The following UNC13C variants were observed in gnomAD, a reference collection of about 807,000 sequenced individuals.
The protein encoded by UNC13C is protein unc-13 homolog C.
UNC13C carries 174 observed loss-of-function variants against 245.4 expected under a neutral mutation model. The ratio of observed to expected loss-of-function variants is 0.71; its 90% CI spans 0.63 to 0.80. UNC13C has a LOEUF of 0.80. Among genes scored for constraint, UNC13C ranks in the 30% least tolerant of loss-of-function variants. The probability of loss-of-function intolerance (pLI) is 0.00; values close to 1 mark genes in which losing one functional copy is unlikely to be tolerated. For synonymous variants in UNC13C, 992 were observed against 895.1 expected, an observed-to-expected ratio of 1.11 and a Z score of -1.93; for missense variants, 2,829 against 2,602.9, an observed-to-expected ratio of 1.09 and a Z score of -1.89.
chr15:54,522,063 G>A (rs944838491), intron 24 of UNC13C, among the ~76,000 whole-genome samples: 2 of 152,126 alleles, frequency 1.3e-5, no homozygotes, highest in Non-Finnish European at 2.9e-5. Context: ...ACTGCCTAGG[G>A]CTAGCTACAC....
At chr15:54,247,755 A>G (rs1002520005) in intron 7 of UNC13C, among the ~76,000 whole-genome samples, 4 of 151,042 alleles carry the variant, frequency 2.6e-5, no homozygotes, top group Admixed American at 2.6e-4. Flanking sequence ...CTGTCTAGTA[A>G]ATGTTTCATG....
chr15:54,342,447 C>T (rs1457558350), intron 17 of UNC13C, among the ~76,000 whole-genome samples: 1 of 151,580 alleles, frequency 6.6e-6, no homozygotes, highest in African/African-American at 2.4e-5. Context: ...TGTCTATAGT[C>T]ACACCTACTT....
intron 18 of UNC13C, among the ~76,000 whole-genome samples, chr15:54,399,814 C>T (rs547731207): frequency 4.6e-5 from 7 of 151,914 alleles, no homozygotes; most frequent in East Asian, 1.9e-4. Context: ...TAGGTTTAAG[C>T]GACTTTGATC....
At chr15:54,175,759 T>A (rs7181949) in intron 4 of UNC13C, among the ~76,000 whole-genome samples, 16,145 of 151,902 alleles carry the variant, frequency 0.11, 1,448 homozygotes, top group African/African-American at 0.24. Context: ...TTAGAAACTT[T>A]TATAGGGATT....
intron 24 of UNC13C, among the ~76,000 whole-genome samples, chr15:54,519,993 G>A (rs1207360907): frequency 1.3e-5 from 2 of 152,180 alleles, no homozygotes; most frequent in Admixed American, 1.3e-4. Context: ...AAAAAAGCAA[G>A]AGCCCAGATA....
At chr15:53,958,070 C>G in the UNC13C span, among the ~76,000 whole-genome samples, 1 of 152,104 alleles carries the variant, frequency 6.6e-6, no homozygotes, top group South Asian at 2.1e-4. Flanking sequence ...CAAACAGTAA[C>G]TTGTTTCACA....
chr15:54,053,186 TTTTTTA>T (rs1566976810), intron 2 of UNC13C, among the ~76,000 whole-genome samples: 1 of 64,940 alleles, frequency 1.5e-5, no homozygotes, highest in Non-Finnish European at 6.1e-5. Flanking sequence ...GGCCAATTTA[TTTTTTA>T]TTTTTTATTT....
intron 12 of UNC13C, among the ~76,000 whole-genome samples, chr15:54,298,555 T>C (rs1414272717): frequency 1.3e-5 from 2 of 152,040 alleles, no homozygotes; most frequent in East Asian, 3.9e-4. Context: ...ATGGAGAAAA[T>C]GAAGATGTGG....
At chr15:54,327,257 AAT>A (rs1254574088) in intron 14 of UNC13C, among the ~76,000 whole-genome samples, 2 of 152,216 alleles carry the variant, frequency 1.3e-5, no homozygotes, top group African/African-American at 4.8e-5. Flanking sequence ...ATACATGCTC[AAT>A]ATATATAACC....
At chr15:54,097,776 A>T (rs1206827408) in intron 2 of UNC13C, among the ~76,000 whole-genome samples, 1 of 152,218 alleles carries the variant, frequency 6.6e-6, no homozygotes, top group Non-Finnish European at 1.5e-5. Flanking sequence ...TGTGACTGAT[A>T]TTCTTAGATG....
chr15:54,595,140 T>A (rs1228989171), intron 30 of UNC13C, among the ~76,000 whole-genome samples: 2 of 152,202 alleles, frequency 1.3e-5, no homozygotes, highest in African/African-American at 4.8e-5. Flanking sequence ...TTATCGGGAC[T>A]GATACAGGTG....
At chr15:54,078,822 C>G (rs1377957957) in intron 2 of UNC13C, among the ~76,000 whole-genome samples, 1 of 151,806 alleles carries the variant, frequency 6.6e-6, no homozygotes, top group Non-Finnish European at 1.5e-5. Flanking sequence ...TCTTTAAGTT[C>G]CATTTGTCTA....
At chr15:53,869,528 A>T in the UNC13C span, among the ~76,000 whole-genome samples, 1 of 152,236 alleles carries the variant, frequency 6.6e-6, no homozygotes, top group Admixed American at 6.5e-5. Context: ...CCTTGAAAAC[A>T]GTTAATAATA....
intron 2 of UNC13C, chr15:54,050,635 G>C: frequency 2.2e-6 from 1 of 455,562 alleles, no homozygotes; most frequent in Non-Finnish European, 4.3e-6. Context: ...GAACTTATGA[G>C]GACAAAGCTT....
intron 30 of UNC13C, among the ~76,000 whole-genome samples, chr15:54,612,064 A>G (rs1020923367): frequency 2.0e-4 from 9 of 45,272 alleles, no homozygotes; most frequent in Admixed American, 4.3e-4. Flanking sequence ...TTTATAAAAC[A>G]CCATCTGTCA....
intron 7 of UNC13C, among the ~76,000 whole-genome samples, chr15:54,249,891 C>T (rs1217947067): frequency 6.6e-6 from 1 of 151,992 alleles, no homozygotes; most frequent in Non-Finnish European, 1.5e-5. Flanking sequence ...GTAAAAGAGG[C>T]GTTGGGTTTA....
intron 17 of UNC13C, among the ~76,000 whole-genome samples, chr15:54,339,774 G>A (rs1445383904): frequency 6.6e-6 from 1 of 151,982 alleles, no homozygotes; most frequent in South Asian, 2.1e-4. Context: ...TCTTTTTTGT[G>A]CATGGACTTC....
chr15:54,379,032 T>C (rs2039665037), intron 17 of UNC13C, among the ~76,000 whole-genome samples: 1 of 152,066 alleles, frequency 6.6e-6, no homozygotes, highest in South Asian at 2.1e-4. Flanking sequence ...TACTCTAATA[T>C]ATGGAAATTC....
chr15:54,454,299 G>A (rs1412430392), intron 19 of UNC13C, among the ~76,000 whole-genome samples: 1 of 151,962 alleles, frequency 6.6e-6, no homozygotes, highest in Non-Finnish European at 1.5e-5. Flanking sequence ...CTCCCTGGCG[G>A]GGTGCAGTGG....
Sources: allele counts gnomAD v4.1 joint callset (sites outside exome capture counted in the v4.1 genomes callset), GRCh38; gene constraint gnomAD v4.1.1; transcripts MANE v1.5; gene names NCBI Gene and HGNC (gene_info 2026-07-23, HGNC 2026-07-21).